Variants in KCNH5 observed in about 807,000 individuals in gnomAD.
KCNH5 encodes the protein voltage-gated delayed rectifier potassium channel KCNH5.
A neutral mutation model predicts 96.1 loss-of-function variants in KCNH5; 46 were observed. The observed-to-expected ratio is 0.48, with a 90% CI of 0.38 to 0.61. The LOEUF is 0.61. Ranked by LOEUF, KCNH5 falls within the 20% of genes least tolerant of loss-of-function variation. KCNH5 has a pLI of 0.00. For synonymous variants in KCNH5, 439 were observed against 449.8 expected, an observed-to-expected ratio of 0.98 and a Z score of 0.30; for missense variants, 907 against 1,225.8, an observed-to-expected ratio of 0.74 and a Z score of 3.88.
intron 6 of KCNH5, among the ~76,000 whole-genome samples, chr14:62,976,906 G>C (rs993342647): frequency 6.6e-6 from 1 of 152,174 alleles, no homozygotes; most frequent in Non-Finnish European, 1.5e-5. Context: ...GTAATGAAGG[G>C]AGATTTAGAT....
intron 10 of KCNH5, among the ~76,000 whole-genome samples, chr14:62,708,859 C>T (rs1884502600): frequency 6.6e-6 from 1 of 152,112 alleles, no homozygotes; most frequent in Non-Finnish European, 1.5e-5. Flanking sequence ...TAAGGAAATA[C>T]ATATTTATCC....
chr14:62,708,535 C>G, intron 10 of KCNH5, 80 bp from the exon 11 acceptor site: 1 of 832,816 alleles, frequency 1.2e-6, no homozygotes, highest in Non-Finnish European at 1.8e-6. Flanking sequence ...GCTGTATGTG[C>G]TTTGTGTTAC....
intron 9 of KCNH5, among the ~76,000 whole-genome samples, chr14:62,784,499 C>T (rs1312318185): frequency 6.6e-6 from 1 of 152,096 alleles, no homozygotes; most frequent in African/African-American, 2.4e-5. Context: ...GTTTATGGGT[C>T]TTTTTCTTCC....
At chr14:62,964,166 G>A (rs1218740307) in intron 6 of KCNH5, among the ~76,000 whole-genome samples, 1 of 151,912 alleles carries the variant, frequency 6.6e-6, no homozygotes, top group Non-Finnish European at 1.5e-5. Flanking sequence ...TTAGAAATTG[G>A]CTCTGCCTTG....
intron 7 of KCNH5, among the ~76,000 whole-genome samples, chr14:62,915,602 T>C (rs1421292816): frequency 6.6e-6 from 1 of 152,192 alleles, no homozygotes; most frequent in Admixed American, 6.5e-5. Context: ...ACTGAATACA[T>C]AGCAGGACCC....
rs1884466924 is a variant in KCNH5 at position 62,707,750 on chromosome 14, T to G, written c.2725A>C (p.Thr909Pro). 6.2e-7 allele frequency: 1 copy of G among 1,613,880 alleles called. No individual in the cohort carries two copies. Among genetic ancestry groups the G allele is most frequent in the African/African-American group, 1.3e-5 (1 of 75,042 alleles). The change falls in exon 11 of 11, where the codon ACA (threonine) becomes CCA (proline). Residue 909 changes from threonine (T) to proline (P), a missense_variant. This residue lies in a region of KCNH5 where 362 missense variants were observed against 394.4 expected (regional missense o/e 0.92). Coordinates refer to ENST00000322893, the MANE Select transcript of KCNH5 (RefSeq NM_139318.5). ...AGTTCGTGTTTGACTTCCTGCAGTG[T>G]GGTCTGTAAGGCCTGCTCGGGGATG... ...YPIPEQALQT[T>P]LQEVKHELKE... is the part of the protein sequence containing the mutation.
chr14:62,985,019 A>C (rs957333747), intron 5 of KCNH5, among the ~76,000 whole-genome samples: 2 of 152,144 alleles, frequency 1.3e-5, no homozygotes, highest in African/African-American at 4.8e-5. Flanking sequence ...AAAAATTCAC[A>C]ATCACAGAAA....
chr14:62,801,410 A>C (rs1241414750), intron 9 of KCNH5, among the ~76,000 whole-genome samples: 1 of 148,730 alleles, frequency 6.7e-6, no homozygotes, highest in Non-Finnish European at 1.5e-5. Flanking sequence ...TTCTCCTCTG[A>C]CCTCATTATT....
intron 7 of KCNH5, among the ~76,000 whole-genome samples, chr14:62,926,732 C>A (rs544931777): frequency 6.6e-6 from 1 of 152,216 alleles, no homozygotes; most frequent in East Asian, 1.9e-4. Flanking sequence ...TGGATCAGGG[C>A]TCCACTCTCA....
intron 1 of KCNH5, among the ~76,000 whole-genome samples, chr14:63,018,752 C>T (rs538227914): frequency 5.3e-5 from 8 of 152,140 alleles, no homozygotes; most frequent in Admixed American, 3.9e-4. Context: ...AAATGTAATT[C>T]TCCTCAGAGG....
intron 7 of KCNH5, among the ~76,000 whole-genome samples, chr14:62,905,343 G>A (rs906874015): frequency 6.6e-6 from 1 of 152,190 alleles, no homozygotes; most frequent in Non-Finnish European, 1.5e-5. Flanking sequence ...CACAGAAACT[G>A]AGGCTATGGA....
rs558787455 is a variant in KCNH5, at chr14:62,947,737, A to AC, written c.1369+2395_1369+2396insG. ...TAGACACACACACACACACACACACAAAAACCGATGACCATGATCCAAAGG... is the reference window on the plus strand; with the variant it reads ...TAGACACACACACACACACACACACACAAAACCGATGACCATGATCCAAAGG... On this transcript the variant is annotated intron_variant, in intron 7 of 10. Transcript: ENST00000322893. 3.2e-4 allele frequency among the ~76,000 whole-genome samples: 48 copies of AC among 152,118 alleles called. No individual in the cohort carries two copies. In the East Asian group the frequency reaches 5.8e-3, roughly 18 times the overall value.
At chr14:62,935,990 A>G (rs1054188193) in intron 7 of KCNH5, among the ~76,000 whole-genome samples, 41 of 152,212 alleles carry the variant, frequency 2.7e-4, no homozygotes, top group African/African-American at 8.9e-4. Context: ...GCAATGCAGT[A>G]ACATGATCCA....
intron 8 of KCNH5, among the ~76,000 whole-genome samples, chr14:62,828,870 T>G (rs554222397): frequency 4.5e-4 from 68 of 152,162 alleles, no homozygotes; most frequent in Non-Finnish European, 8.2e-4. Flanking sequence ...AAGTCTCATC[T>G]TAGACAAGGC....
intron 10 of KCNH5, among the ~76,000 whole-genome samples, 187 bp from the exon 11 acceptor site, chr14:62,708,642 T>C (rs1240564121): frequency 6.6e-6 from 1 of 152,132 alleles, no homozygotes; most frequent in Non-Finnish European, 1.5e-5. Context: ...ATGGATGCAA[T>C]ATGGCTTAAA....
intron 7 of KCNH5, among the ~76,000 whole-genome samples, chr14:62,879,048 C>T (rs1490482868): frequency 6.6e-6 from 1 of 152,100 alleles, no homozygotes; most frequent in Non-Finnish European, 1.5e-5. Flanking sequence ...TTTTACAATA[C>T]TAGTCAGCCC....
At chr14:62,776,967 A>C (rs919155059) in intron 10 of KCNH5, among the ~76,000 whole-genome samples, 95 of 152,322 alleles carry the variant, frequency 6.2e-4, no homozygotes, top group African/African-American at 2.1e-3. Context: ...ACTTGGATTC[A>C]AAACCTGCTC....
chr14:62,794,935 C>A (rs942170585), intron 9 of KCNH5, among the ~76,000 whole-genome samples: 3 of 152,000 alleles, frequency 2.0e-5, no homozygotes, highest in African/African-American at 7.3e-5. Context: ...TTAAAGTTTT[C>A]TTATTATGGT....
chr14:62,709,835 G>T (rs1884531783), intron 10 of KCNH5, among the ~76,000 whole-genome samples: 1 of 152,180 alleles, frequency 6.6e-6, no homozygotes, highest in African/African-American at 2.4e-5. Flanking sequence ...CAAAGTAACT[G>T]CAGGTGAAGG....
Sources: gnomAD v4.1 joint callset for allele counts (sites outside exome capture counted in the v4.1 genomes callset) on GRCh38, gnomAD v4.1.1 for gene constraint, gnomAD v4.1.1 regional missense constraint, MANE v1.5 for transcripts, NCBI Gene and HGNC (gene_info 2026-07-23, HGNC 2026-07-21) for gene names.